Variants in UBE2K observed in about 807,000 individuals in gnomAD.
UBE2K encodes the protein ubiquitin-conjugating enzyme E2 K.
A neutral mutation model predicts 30.0 loss-of-function variants in UBE2K; 6 were observed. The observed-to-expected ratio is 0.20, with a 90% confidence interval of 0.11 to 0.39. UBE2K has a LOEUF of 0.39. UBE2K is among the 10% of genes least tolerant of loss of function. The pLI is 1.00. For synonymous variants in UBE2K, 86 were observed against 83.7 expected (o/e 1.03, Z -0.15); for missense variants, 61 against 241.6 (o/e 0.25, Z 4.96).
intron 1 of UBE2K, among the ~76,000 whole-genome samples, chr4:39,731,446 G>A (rs1433285878): frequency 3.9e-5 from 6 of 151,962 alleles, no homozygotes; most frequent in African/African-American, 1.2e-4. Flanking sequence ...TTGGGAAGCC[G>A]AGGCAGGTGG....
chr4:39,755,580 G>A, intron 3 of UBE2K, 77 bp from the exon 4 acceptor site: 1 of 1,114,500 alleles, frequency 9.0e-7, no homozygotes, highest in Non-Finnish European at 1.3e-6. Flanking sequence ...TTAGTTTGAA[G>A]ATTTCATTTT....
chr4:39,781,701 G>A lies in UBE2K; in HGVS notation c.*3267G>A. 1 of 378,590 alleles carries A rather than the reference G, an allele frequency of 2.6e-6. No individual in the cohort carries two copies. Among genetic ancestry groups the A allele is most frequent in the East Asian group, 3.7e-5 (1 of 26,784 alleles). 23.5% of individuals were successfully genotyped at this position (378,590 alleles called of 1,614,324 possible). A position where few individuals can be genotyped will look rare whatever the true frequency, so the allele number is the denominator to read the frequency against. On this transcript the variant is annotated 3_prime_UTR_variant, in exon 7 of 7. Transcript: ENST00000261427. ...CCAGGTATACCTTCTAGTATGTAGA[G>A]GGAAACAATGTTTAGATAGGAAAAA...
In UBE2K at chr4:39,730,944, G is replaced by A. The variant is rs181659934; in HGVS notation, c.64-6476G>A. On this transcript the variant is annotated intron_variant, in intron 1 of 6. Coordinates refer to ENST00000261427, the MANE Select transcript of UBE2K (RefSeq NM_005339.5). Reference sequence around the variant, plus strand: ...CCTGCCTTAGAATTTCAAGTAGCTGGGATTTACAGGAGTGTGCCACTATGT... The same window carrying A: ...CCTGCCTTAGAATTTCAAGTAGCTGAGATTTACAGGAGTGTGCCACTATGT... Among the ~76,000 whole-genome samples, 36 of 151,012 alleles carry A rather than the reference G, an allele frequency of 2.4e-4. 1 individual carries two copies. The highest frequency in any genetic ancestry group is 1.9e-3 in the Admixed American group (29 of 15,170).
intron 4 of UBE2K, among the ~76,000 whole-genome samples, chr4:39,767,798 A>C (rs1472594338): frequency 6.6e-6 from 1 of 152,170 alleles, no homozygotes; most frequent in Admixed American, 6.5e-5. Flanking sequence ...TTAGTATTAA[A>C]TACTTCCTTT....
At chr4:39,773,876 G>C (rs994358894) in intron 4 of UBE2K, among the ~76,000 whole-genome samples, 2 of 152,040 alleles carry the variant, frequency 1.3e-5, no homozygotes, top group African/African-American at 2.4e-5. Flanking sequence ...AGCCGAGATC[G>C]CGCCACTGCA....
At chr4:39,762,185 AAT>A (rs1297687331) in intron 4 of UBE2K, among the ~76,000 whole-genome samples, 1 of 8,062 alleles carries the variant, frequency 1.2e-4, no homozygotes, top group Non-Finnish European at 2.6e-4. Context: ...ATCTCAGTAA[AAT>A]AATAATAATA....
At chr4:39,769,213 GT>G (rs60471860) in intron 4 of UBE2K, among the ~76,000 whole-genome samples, 97,065 of 128,654 alleles carry the variant, frequency 0.75, 35,200 homozygotes, top group East Asian at 0.88. Context: ...GTTTCTTTTT[GT>G]TTTTTTTTTT....
intron 2 of UBE2K, among the ~76,000 whole-genome samples, chr4:39,743,962 A>G (rs923707166): frequency 3.3e-5 from 5 of 152,194 alleles, no homozygotes; most frequent in African/African-American, 7.2e-5. Flanking sequence ...TCCTGGGTTC[A>G]AGCGATTCTT....
In UBE2K at chr4:39,714,546, A is replaced by ATTTTT. The variant is rs879776892; in HGVS notation, c.63+16157_63+16158insTTTTT. The stretch of plus-strand genomic sequence containing the variant: ...TATATATATATATATATATATATAT[A>ATTTTT]TATATTTTTTTTTTTTTTTAAGACT... On this transcript the variant is annotated intron_variant, in intron 1 of 6. Transcript: ENST00000261427. 35 of 25,268 alleles carry ATTTTT rather than the reference A, an allele frequency of 1.4e-3. 1 individual carries two copies. The highest frequency in any genetic ancestry group is 4.7e-3 in the East Asian group (2 of 430). The allele number at this position is 25,268 out of a possible 1,614,324, so 1.6% of individuals were successfully genotyped here.
chr4:39,774,054 T>G (rs982488579), intron 4 of UBE2K, among the ~76,000 whole-genome samples: 31 of 152,094 alleles, frequency 2.0e-4, no homozygotes, highest in African/African-American at 7.5e-4. Flanking sequence ...CCCTAACCTT[T>G]GGGAGGCCAA....
intron 1 of UBE2K, among the ~76,000 whole-genome samples, chr4:39,702,231 C>CTT (rs564712672): frequency 1.5e-5 from 1 of 67,376 alleles, no homozygotes; most frequent in Non-Finnish European, 2.7e-5. Context: ...CTTTTCTTTT[C>CTT]TTTTTTTTTT....
chr4:39,716,588 C>A (rs1719076785), intron 1 of UBE2K, among the ~76,000 whole-genome samples: 2 of 152,172 alleles, frequency 1.3e-5, no homozygotes, highest in African/African-American at 4.8e-5. Context: ...TGGCAACTTG[C>A]AATAGCTTAA....
chr4:39,748,659 C>T (rs961293210), intron 3 of UBE2K, among the ~76,000 whole-genome samples: 72 of 151,550 alleles, frequency 4.8e-4, no homozygotes, highest in African/African-American at 1.4e-3. Context: ...CTCTACATCT[C>T]TAATTCTAGC....
At chr4:39,708,017 C>T (rs949597229) in intron 1 of UBE2K, among the ~76,000 whole-genome samples, 2 of 151,976 alleles carry the variant, frequency 1.3e-5, no homozygotes, top group African/African-American at 4.8e-5. Flanking sequence ...CTGCCTCAGT[C>T]TCCCGAGAAG....
At chr4:39,704,550 A>T (rs1169403799) in intron 1 of UBE2K, among the ~76,000 whole-genome samples, 3 of 151,792 alleles carry the variant, frequency 2.0e-5, no homozygotes, top group Non-Finnish European at 4.4e-5. Context: ...CTTTTTATTT[A>T]TTTATTTTTG....
chr4:39,744,273 C>T (rs934737124), intron 2 of UBE2K, among the ~76,000 whole-genome samples: 11 of 151,890 alleles, frequency 7.2e-5, no homozygotes, highest in East Asian at 5.8e-4. Context: ...CCCAGGTTCA[C>T]GCCATTCTTC....
At chr4:39,775,959 A>T (rs1221645913) in intron 5 of UBE2K, among the ~76,000 whole-genome samples, 1 of 151,964 alleles carries the variant, frequency 6.6e-6, no homozygotes, top group Non-Finnish European at 1.5e-5. Context: ...TGACCTTGTT[A>T]CCTTTACTTT....
At chr4:39,709,040 GA>G (rs1718531920) in intron 1 of UBE2K, among the ~76,000 whole-genome samples, 1 of 151,582 alleles carries the variant, frequency 6.6e-6, no homozygotes, top group Non-Finnish European at 1.5e-5. Flanking sequence ...GTGGGCTTTA[GA>G]ATTAGATTTG....
chr4:39,717,755 C>T (rs1179585462), intron 1 of UBE2K, among the ~76,000 whole-genome samples: 2 of 152,052 alleles, frequency 1.3e-5, no homozygotes, highest in East Asian at 1.9e-4. Context: ...TTAAAGGCGG[C>T]GTGTCCGGAG....
Sources: gnomAD v4.1 joint callset for allele counts (sites outside exome capture counted in the v4.1 genomes callset) on GRCh38, gnomAD v4.1.1 for gene constraint, MANE v1.5 for transcripts, NCBI Gene and HGNC (gene_info 2026-07-23, HGNC 2026-07-21) for gene names.